Variants in RFTN2 observed in about 807,000 individuals in gnomAD.
RFTN2 encodes the protein raftlin-2.
A neutral mutation model predicts 52.7 loss-of-function variants in RFTN2; 34 were observed. The observed-to-expected ratio is 0.64, with a 90% CI of 0.49 to 0.86. The LOEUF (loss-of-function observed/expected upper bound fraction) is 0.86, where lower values mean the gene tolerates loss of function less well. Among genes scored for constraint, RFTN2 ranks in the 40% least tolerant of loss-of-function variants. The pLI, the probability that RFTN2 is intolerant of heterozygous loss-of-function variation, is 0.00. For missense variants in RFTN2, 536 were observed against 600.1 expected, an observed-to-expected ratio of 0.89 and a Z score of 1.12; for synonymous variants, 203 against 217.7, an observed-to-expected ratio of 0.93 and a Z score of 0.59.
At chr2:197,573,547 G>A (rs1414112540) in intron 8 of RFTN2, among the ~76,000 whole-genome samples, 1 of 152,160 alleles carries the variant, frequency 6.6e-6, no homozygotes, top group African/African-American at 2.4e-5. Context: ...GTTTGGAATT[G>A]GAACTTATGT....
chr2:197,609,887 C>T (rs1372050631), intron 7 of RFTN2, among the ~76,000 whole-genome samples: 4 of 152,112 alleles, frequency 2.6e-5, no homozygotes, highest in Non-Finnish European at 4.4e-5. Context: ...CCTTTCCCCA[C>T]TGCTTGTTTT....
chr2:197,592,407 C>T (rs553083184), intron 8 of RFTN2, among the ~76,000 whole-genome samples: 5 of 152,230 alleles, frequency 3.3e-5, no homozygotes, highest in South Asian at 2.1e-4. Context: ...GTTGGTCAGG[C>T]GGGTCTTGAA....
At chr2:197,654,448 G>A (rs1322952156) in intron 1 of RFTN2, among the ~76,000 whole-genome samples, 1 of 151,822 alleles carries the variant, frequency 6.6e-6, no homozygotes, top group Non-Finnish European at 1.5e-5. Context: ...CCATTAGAGG[G>A]GTGTTAAAGA....
chr2:197,627,883 G>A lies in RFTN2; in HGVS notation c.928+3128C>T, dbSNP rs975539453. 4.4e-4 allele frequency among the ~76,000 whole-genome samples: 17 copies of A among 38,932 alleles called. 1 individual carries two copies. In the East Asian group the frequency reaches 8.1e-3, roughly 18 times the overall value. 25.5% of individuals were successfully genotyped at this position (38,932 alleles called of 152,430 possible). ...TTGAACATCTGTCCCCCGCCCCCCC[G>A]CCCCCCCGTGTTTCTGGAAGGAGGT... On this transcript the variant is annotated intron_variant, in intron 5 of 8. Coordinates refer to ENST00000295049, the MANE Select transcript of RFTN2 (RefSeq NM_144629.3).
intron 5 of RFTN2, among the ~76,000 whole-genome samples, chr2:197,629,079 G>C (rs2088416906): frequency 6.6e-6 from 1 of 152,158 alleles, no homozygotes; most frequent in African/African-American, 2.4e-5. Flanking sequence ...ATTTGACCCA[G>C]CCATCCCATT....
chr2:197,599,169 G>A (rs2087841217), intron 7 of RFTN2, among the ~76,000 whole-genome samples: 1 of 151,990 alleles, frequency 6.6e-6, no homozygotes, highest in Non-Finnish European at 1.5e-5. Flanking sequence ...TCGATCTCCT[G>A]ACCTTGTGAT....
chr2:197,602,417 C>T (rs13411968), intron 7 of RFTN2, among the ~76,000 whole-genome samples: 102,591 of 152,054 alleles, frequency 0.67, 34,908 homozygotes, highest in Middle Eastern at 0.85. Context: ...ACAAGGACAA[C>T]TTGAACTTCT....
At chr2:197,589,732 C>T (rs749628977) in intron 8 of RFTN2, among the ~76,000 whole-genome samples, 5 of 152,038 alleles carry the variant, frequency 3.3e-5, no homozygotes, top group Non-Finnish European at 5.9e-5. Context: ...TGTGAGAGTC[C>T]TTGATACCCC....
rs1323121997 is a variant in RFTN2 at position 197,571,670 on chromosome 2, A to G, written c.*338T>C. The G allele has an allele frequency of 7.8e-6, 2 of 257,418 alleles. No homozygotes were observed. Among genetic ancestry groups the G allele is most frequent in the Non-Finnish European group, 1.5e-5 (2 of 134,062 alleles). 15.9% of individuals were successfully genotyped at this position (257,418 alleles called of 1,614,324 possible). On this transcript the variant is annotated 3_prime_UTR_variant, in exon 9 of 9. Coordinates refer to ENST00000295049, the MANE Select transcript of RFTN2 (RefSeq NM_144629.3). ...CTCTCTCTAATTGGGTAAAATACTGATTGAGATATTCAGTCTCCTTACCAG... is the reference window on the plus strand; with the variant it reads ...CTCTCTCTAATTGGGTAAAATACTGGTTGAGATATTCAGTCTCCTTACCAG...
Position 197,633,900 on chromosome 2 carries a change from T to C in RFTN2, c.536A>G (p.Asp179Gly). ...KFCNGTNHDG[D>G]IESMLHVRHG... ...TCTCACATGTAGCATCGATTCTATATCTCCATCATGGTTGGTTCCATTGCA... is the reference window on the plus strand; with the variant it reads ...TCTCACATGTAGCATCGATTCTATACCTCCATCATGGTTGGTTCCATTGCA... The change falls in exon 4 of 9, where the codon GAT (aspartate) becomes GGT (glycine). Residue 179 changes from aspartate (D) to glycine (G), a missense_variant. Transcript: ENST00000295049. 4 of 1,613,896 alleles carry C rather than the reference T, an allele frequency of 2.5e-6. No individual in the cohort carries two copies. Among genetic ancestry groups the C allele is most frequent in the Non-Finnish European group, 3.4e-6 (4 of 1,179,800 alleles).
rs950839191 is a variant in RFTN2, at chr2:197,646,420, T to A, written c.323+63A>T. Reference sequence around the variant, plus strand: ...TTCTCTGCCACTTGATTCAAATTTTTTTTTCTTTTAGACAAAGAGAACTGT... The same window carrying A: ...TTCTCTGCCACTTGATTCAAATTTTATTTTCTTTTAGACAAAGAGAACTGT... On this transcript the variant is annotated intron_variant, in intron 2 of 8. Transcript: ENST00000295049. 209 of 1,372,322 alleles carry A rather than the reference T, an allele frequency of 1.5e-4. 3 individuals carry two copies. The Admixed American group carries it at 4.5e-3, about 30-fold the overall frequency. 85.0% of individuals were successfully genotyped at this position (1,372,322 alleles called of 1,614,324 possible). A position where few individuals can be genotyped will look rare whatever the true frequency, so the allele number is the denominator to read the frequency against.
chr2:197,578,895 A>G (rs988854644), intron 8 of RFTN2, among the ~76,000 whole-genome samples: 12 of 152,158 alleles, frequency 7.9e-5, no homozygotes, highest in African/African-American at 2.9e-4. Flanking sequence ...CAACCAGCCC[A>G]AGGAACATCT....
chr2:197,618,371 G>A lies in RFTN2; in HGVS notation c.929-450C>T, dbSNP rs1202085214. Among the ~76,000 whole-genome samples, 72 of 152,270 alleles carry A rather than the reference G, an allele frequency of 4.7e-4. 2 individuals are homozygous for A. The South Asian group carries it at 8.3e-3, about 18-fold the overall frequency. On this transcript the variant is annotated intron_variant, in intron 5 of 8. Coordinates refer to ENST00000295049, the MANE Select transcript of RFTN2 (RefSeq NM_144629.3). ...CCGAGGTGCCGGGATTGCAGACGGA[G>A]TCTCGTTCACTCAGTGCTCAATGGT...
intron 3 of RFTN2, among the ~76,000 whole-genome samples, chr2:197,640,117 C>G (rs1422300252): frequency 1.3e-5 from 2 of 152,228 alleles, no homozygotes; most frequent in African/African-American, 4.8e-5. Flanking sequence ...CAGCTGCGTG[C>G]TGGGAGAACC....
rs558626455 is a variant in RFTN2 at position 197,586,867 on chromosome 2, T to A, written c.1233+9124A>T. ...AAACATGAGGACTCTGTATATTTTT[T>A]AAAGAAGAGTGTTGTTTTTACCTAA... is the stretch of plus-strand genomic sequence containing the variant. On this transcript the variant is annotated intron_variant, in intron 8 of 8. Transcript: ENST00000295049. Among the ~76,000 whole-genome samples, 236 of 152,272 alleles carry A rather than the reference T, an allele frequency of 1.5e-3. 3 individuals carry two copies. Among genetic ancestry groups the A allele is most frequent in the South Asian group, 8.3e-3 (40 of 4,826 alleles).
chr2:197,671,225 TCCCTAGAAAACC>T (rs2089143369), intron 1 of RFTN2, among the ~76,000 whole-genome samples: 4 of 152,218 alleles, frequency 2.6e-5, no homozygotes, highest in African/African-American at 9.7e-5. Flanking sequence ...TCCTGCTTCC[TCCCTAGAAAACC>T]TCCTTTAGCT....
At position 197,637,949 on chromosome 2, in the gene RFTN2, C is replaced by T. The variant is rs1170204255; in HGVS notation, c.439-3952G>A. Among the ~76,000 whole-genome samples the T allele has an allele frequency of 7.3e-5, 11 of 150,664 alleles. No homozygotes were observed. The South Asian group carries it at 1.1e-3, about 15-fold the overall frequency. ...TTCTGGTATGTTGTGTCTTTGTTCT[C>T]GTTGGTTTCAAAGAACATCTTTATT... On this transcript the variant is annotated intron_variant, in intron 3 of 8. Transcript: ENST00000295049.
At chr2:197,594,765 C>T (rs760537135) in intron 8 of RFTN2, among the ~76,000 whole-genome samples, 7 of 152,282 alleles carry the variant, frequency 4.6e-5, no homozygotes, top group South Asian at 2.1e-4. Flanking sequence ...CCTGCCTCTC[C>T]GTCTTCCCAA....
At chr2:197,589,521 T>A (rs2087662430) in intron 8 of RFTN2, among the ~76,000 whole-genome samples, 1 of 152,228 alleles carries the variant, frequency 6.6e-6, no homozygotes, top group African/African-American at 2.4e-5. Context: ...TCTCCCCAGT[T>A]CTTGGTATTG....
Sources: allele counts gnomAD v4.1 joint callset (sites outside exome capture counted in the v4.1 genomes callset), GRCh38; gene constraint gnomAD v4.1.1; transcripts MANE v1.5; gene names NCBI Gene and HGNC (gene_info 2026-07-23, HGNC 2026-07-21).